GALNT18: variants seen among roughly 807,000 people sequenced by gnomAD.
The protein encoded by GALNT18 is GalNAc-transferase 18.
GALNT18 carries 44 observed loss-of-function variants against 69.5 expected under a neutral mutation model. That is an observed-to-expected ratio of 0.63 (90% CI 0.50 to 0.81). GALNT18 has a LOEUF of 0.81. Ranked by LOEUF, GALNT18 falls within the 40% of genes least tolerant of loss-of-function variation. The pLI, the probability that GALNT18 is intolerant of heterozygous loss-of-function variation, is 0.00. For missense variants in GALNT18, 715 were observed against 810.0 expected (o/e 0.88, Z 1.42); for synonymous variants, 364 against 318.2 (o/e 1.14, Z -1.53).
intron 10 of GALNT18, among the ~76,000 whole-genome samples, chr11:11,278,368 GTGGGGGGC>G (rs1848993032): frequency 6.6e-6 from 1 of 151,044 alleles, no homozygotes; most frequent in Non-Finnish European, 1.5e-5. Flanking sequence ...CTGTTGGTGG[GTGGGGGGC>G]TGGGGGAGGG....
In GALNT18 at chr11:11,283,529, T is replaced by G. The variant is rs556867794; in HGVS notation, c.1677+9500A>C. ...GTGGTGCTGTGTTGGGCACAGAGCATTGGAGGAAGGAAGGAAGAAGGGACA... is the reference window on the plus strand; with the variant it reads ...GTGGTGCTGTGTTGGGCACAGAGCAGTGGAGGAAGGAAGGAAGAAGGGACA... On this transcript the variant is annotated intron_variant, in intron 10 of 10. Transcript: ENST00000227756. Among the ~76,000 whole-genome samples the G allele has an allele frequency of 1.1e-4, 17 of 152,238 alleles. No homozygotes were observed. The South Asian group carries it at 1.7e-3, about 15-fold the overall frequency.
At position 11,496,627 on chromosome 11, in the gene GALNT18, G is replaced by A. The variant is rs1856871044; in HGVS notation, c.236-47691C>T. On this transcript the variant is annotated intron_variant, in intron 1 of 10. Transcript: ENST00000227756. The surrounding 1 kb of genome is among the most constrained non-coding windows in gnomAD (Gnocchi z 4.0). ...GATGAAGGGCTACCACACAGAGGGT[G>A]GGAAGAAGGAAAGACTGCACCAGGA... Among the ~76,000 whole-genome samples the A allele has an allele frequency of 6.6e-6, 1 of 151,992 alleles. No homozygotes were observed. The highest frequency in any genetic ancestry group is 1.5e-5 in the Non-Finnish European group (1 of 67,998).
In GALNT18 at chr11:11,573,249, C is replaced by A. The variant is rs544452143; in HGVS notation, c.235+48110G>T. ...ATGGATGTCCCAGAGATTCCCTACA[C>A]ACAGCTTTCAATACTGAAGATGGAG... On this transcript the variant is annotated intron_variant, in intron 1 of 10. Transcript: ENST00000227756. This position sits in a 1 kb window ranked among gnomAD's most constrained non-coding sequence, Gnocchi z 4.6. Among the ~76,000 whole-genome samples, 11 of 152,320 alleles carry A rather than the reference C, an allele frequency of 7.2e-5. No individual in the cohort carries two copies. In the South Asian group the frequency reaches 2.3e-3, roughly 32 times the overall value.
At chr11:11,468,297 C>T (rs575161196) in intron 1 of GALNT18, among the ~76,000 whole-genome samples, 1 of 152,300 alleles carries the variant, frequency 6.6e-6, no homozygotes, top group South Asian at 2.1e-4. Context: ...AGACCCACCT[C>T]CCCAAGGCAA....
chr11:11,596,989 T>TAA lies in GALNT18; in HGVS notation c.235+24369_235+24370insTT, dbSNP rs2133939065. Among the ~76,000 whole-genome samples, 1 of 152,272 alleles carries TAA rather than the reference T, an allele frequency of 6.6e-6. No individual in the cohort carries two copies. Among genetic ancestry groups the TAA allele is most frequent in the African/African-American group, 2.4e-5 (1 of 41,558 alleles). On this transcript the variant is annotated intron_variant, in intron 1 of 10. Coordinates refer to ENST00000227756, the MANE Select transcript of GALNT18 (RefSeq NM_198516.3). The surrounding 1 kb of genome is among the most constrained non-coding windows in gnomAD (Gnocchi z 4.2). ...GTTGAAATTATCTTCAATTCCTAGT[T>TAA]TATTGAGTGTTTTCATCCAGAAAGG...
intron 1 of GALNT18, among the ~76,000 whole-genome samples, chr11:11,547,410 G>C (rs1268470261): frequency 2.0e-5 from 3 of 152,200 alleles, no homozygotes; most frequent in African/African-American, 7.2e-5. Flanking sequence ...CAGATAATAA[G>C]GCCTGTGGGA....
At chr11:11,272,859 G>C (rs1848855521) in intron 10 of GALNT18, among the ~76,000 whole-genome samples, 1 of 152,164 alleles carries the variant, frequency 6.6e-6, no homozygotes, top group South Asian at 2.1e-4. Flanking sequence ...ACTTCTTGAA[G>C]GATGTCATCC....
intron 3 of GALNT18, among the ~76,000 whole-genome samples, chr11:11,392,622 A>G (rs1292586367): frequency 6.6e-6 from 1 of 152,110 alleles, no homozygotes; most frequent in East Asian, 1.9e-4. Flanking sequence ...TCCTTCTCAA[A>G]AAGAAAAAAG....
At chr11:11,521,362 C>T (rs1857395792) in intron 1 of GALNT18, among the ~76,000 whole-genome samples, 1 of 152,266 alleles carries the variant, frequency 6.6e-6, no homozygotes, top group Middle Eastern at 3.4e-3. Flanking sequence ...GTAAGCCCCA[C>T]CTGCTAGAAT....
In GALNT18 at chr11:11,546,704, G is replaced by C. The variant is rs543333644; in HGVS notation, c.235+74655C>G. ...ACACCTATTCCTCAAACAGGCCTTG[G>C]TATCTACTGCAGTAGATACCCCGAA... is the stretch of plus-strand genomic sequence containing the variant. On this transcript the variant is annotated intron_variant, in intron 1 of 10. Transcript: ENST00000227756. This position sits in a 1 kb window ranked among gnomAD's most constrained non-coding sequence, Gnocchi z 5.8. 2.0e-5 allele frequency among the ~76,000 whole-genome samples: 3 copies of C among 152,188 alleles called. No homozygotes were observed. The highest frequency in any genetic ancestry group is 6.5e-5 in the Admixed American group (1 of 15,292).
chr11:11,544,364 C>A (rs189832571), intron 1 of GALNT18, among the ~76,000 whole-genome samples: 5 of 152,340 alleles, frequency 3.3e-5, no homozygotes, highest in African/African-American at 1.2e-4. Flanking sequence ...TGCTAAGTTC[C>A]TTCTGTGCTA....
chr11:11,417,630 T>C (rs977488829), intron 3 of GALNT18, among the ~76,000 whole-genome samples: 9 of 152,228 alleles, frequency 5.9e-5, no homozygotes, highest in African/African-American at 2.2e-4. Flanking sequence ...TCAGGAGGGC[T>C]TGGGCTCATT....
rs1421679235 is a variant in GALNT18, at chr11:11,606,947, T to G, written c.235+14412A>C. The stretch of plus-strand genomic sequence containing the variant: ...TATTTGCAACTCTAACATGGTCTGA[T>G]TTTAACTAGAGAGCCTTCAGACAAG... On this transcript the variant is annotated intron_variant, in intron 1 of 10. Transcript: ENST00000227756. The surrounding 1 kb of genome is among the most constrained non-coding windows in gnomAD (Gnocchi z 5.4). 6.6e-6 allele frequency among the ~76,000 whole-genome samples: 1 copy of G among 152,214 alleles called. No individual in the cohort carries two copies. The highest frequency in any genetic ancestry group is 1.5e-5 in the Non-Finnish European group (1 of 68,030).
In GALNT18 at chr11:11,603,420, G is replaced by A. The variant is rs1033400343; in HGVS notation, c.235+17939C>T. Among the ~76,000 whole-genome samples the A allele has an allele frequency of 6.6e-6, 1 of 152,106 alleles. No individual in the cohort carries two copies. Among genetic ancestry groups the A allele is most frequent in the Non-Finnish European group, 1.5e-5 (1 of 68,034 alleles). ...CTGCCAAAGGTGGGGGAATGTATAG[G>A]GCTTTCTCTGAGACTTCATTCCCAT... is the stretch of plus-strand genomic sequence containing the variant. On this transcript the variant is annotated intron_variant, in intron 1 of 10. Transcript: ENST00000227756. The surrounding 1 kb of genome is among the most constrained non-coding windows in gnomAD (Gnocchi z 4.5).
intron 3 of GALNT18, among the ~76,000 whole-genome samples, chr11:11,420,353 T>C (rs901453246): frequency 1.3e-5 from 2 of 152,122 alleles, no homozygotes; most frequent in Admixed American, 6.5e-5. Flanking sequence ...CGAAAGATAA[T>C]TATGCAGGAC....
rs1856869364 is a variant in GALNT18, at chr11:11,496,539, T to G, written c.236-47603A>C. On this transcript the variant is annotated intron_variant, in intron 1 of 10. Transcript: ENST00000227756. This position sits in a 1 kb window ranked among gnomAD's most constrained non-coding sequence, Gnocchi z 4.0. ...AAGATTTCCTCTTCATCAATTCTAC[T>G]TTTCTAAAGAACAAGCAGCTTGCTA... Among the ~76,000 whole-genome samples, 1 of 152,182 alleles carries G rather than the reference T, an allele frequency of 6.6e-6. No homozygotes were observed. Among genetic ancestry groups the G allele is most frequent in the African/African-American group, 2.4e-5 (1 of 41,448 alleles).
chr11:11,468,375 G>A lies in GALNT18; in HGVS notation c.236-19439C>T, dbSNP rs578061012. Among the ~76,000 whole-genome samples, 24 of 152,326 alleles carry A rather than the reference G, an allele frequency of 1.6e-4. 1 individual carries two copies. In the South Asian group the frequency reaches 4.1e-3, roughly 26 times the overall value. On this transcript the variant is annotated intron_variant, in intron 1 of 10. Coordinates refer to ENST00000227756, the MANE Select transcript of GALNT18 (RefSeq NM_198516.3). ...GTCTGTCAAGGACACAGGCTGTGGC[G>A]GTCCCCAGGCCCCCACTGGTGAGTG...
chr11:11,424,562 A>G (rs1256410424), intron 3 of GALNT18, among the ~76,000 whole-genome samples: 5 of 152,212 alleles, frequency 3.3e-5, no homozygotes, highest in African/African-American at 7.2e-5. Context: ...GATGAGCGGC[A>G]CACTGGGTTA....
At chr11:11,286,771 C>T (rs549766080) in intron 10 of GALNT18, among the ~76,000 whole-genome samples, 4 of 152,134 alleles carry the variant, frequency 2.6e-5, no homozygotes, top group South Asian at 2.1e-4. Context: ...GAGAGGGACA[C>T]GGGTTGAAAT....
Sources: allele counts gnomAD v4.1 joint callset (sites outside exome capture counted in the v4.1 genomes callset), GRCh38; gene constraint gnomAD v4.1.1; non-coding constraint Gnocchi (gnomAD v3.1); transcripts MANE v1.5; gene names NCBI Gene and HGNC (gene_info 2026-07-23, HGNC 2026-07-21).